The following ITGA7 variants were observed in gnomAD, a reference collection of about 807,000 sequenced individuals.
ITGA7 encodes integrin subunit alpha 7, also known as integrin alpha-7.
Under a neutral mutation model 131.6 loss-of-function variants are expected in ITGA7, and 84 were observed. The ratio of observed to expected loss-of-function variants is 0.64; its 90% confidence interval spans 0.54 to 0.77. ITGA7 has a LOEUF of 0.77. Ranked by LOEUF, ITGA7 falls within the 30% of genes least tolerant of loss-of-function variation. The pLI is 0.00. For missense variants in ITGA7, 1,399 were observed against 1,482.9 expected (o/e 0.94, Z 0.93); for synonymous variants, 548 against 600.7 (o/e 0.91, Z 1.28).
chr12:55,706,957 G>A (rs143717365), intron 1 of ITGA7, among the ~76,000 whole-genome samples: 1 of 152,324 alleles, frequency 6.6e-6, no homozygotes, highest in East Asian at 1.9e-4. Flanking sequence ...CCACAGAAGT[G>A]GAAGCTCTCT....
At chr12:55,695,690 A>C in intron 13 of ITGA7, 53 bp from the exon 14 acceptor site, 1 of 1,224,872 alleles carries the variant, frequency 8.2e-7, no homozygotes, top group Non-Finnish European at 1.2e-6. Context: ...GCAGGGGGCA[A>C]ACCTGTCACC....
rs755782601 is a variant in ITGA7 at position 55,697,281 on chromosome 12, C to G, written c.1506-4G>C. The G allele has an allele frequency of 3.1e-6, 5 of 1,591,562 alleles. No homozygotes were observed. The highest frequency in any genetic ancestry group is 2.7e-5 in the African/African-American group (2 of 74,668). ...GAAACAGACCCTTAGGTCCACACTG[C>G]GGGGGCAAAGGTGGCTCCTGAGCCA... On this transcript the variant is annotated splice_region_variant and splice_polypyrimidine_tract_variant and intron_variant, in intron 10 of 24. Transcript: ENST00000257879.
Position 55,707,617 on chromosome 12 carries a change from C to T in ITGA7, c.66G>A (p.Leu22=), listed in dbSNP as rs137962065. ...CCCGTGAGAAGAGCAGTTCGACGAG[C>T]AGGGAGCCAAAAAGGTAGCAAATCC... is the stretch of plus-strand genomic sequence containing the variant. ...ASGICYLFGS[L]LVELLFSRAV... is the part of the protein sequence containing the mutation. The change falls in exon 1 of 25, where the codon CTG becomes CTA. Residue 22 remains leucine, a synonymous_variant. Coordinates refer to ENST00000257879, the MANE Select transcript of ITGA7 (RefSeq NM_002206.3). 8.9e-5 allele frequency: 143 copies of T among 1,611,294 alleles called. 1 individual carries two copies. Among genetic ancestry groups the T allele is most frequent in the Non-Finnish European group, 1.1e-4 (131 of 1,178,726 alleles).
chr12:55,711,442 C>T (rs1259241306), upstream of ITGA7, among the ~76,000 whole-genome samples: 1 of 150,702 alleles, frequency 6.6e-6, no homozygotes, highest in Non-Finnish European at 1.5e-5. Flanking sequence ...AGCACCACTG[C>T]ACTCCAGCCT....
At chr12:55,716,054 G>T, upstream of ITGA7, 1 of 1,554,936 alleles carries the variant, frequency 6.4e-7, no homozygotes, top group South Asian at 1.2e-5. Context: ...CACGTGACAT[G>T]GCCCCGGGGA....
chr12:55,710,860 A>T (rs1481864178), upstream of ITGA7, among the ~76,000 whole-genome samples: 1 of 152,080 alleles, frequency 6.6e-6, no homozygotes, highest in African/African-American at 2.4e-5. Context: ...CTGCCAGGGG[A>T]CAAGGATGGA....
At chr12:55,685,355 C>A in intron 24 of ITGA7, 67 bp from the exon 25 acceptor site, 1 of 1,380,498 alleles carries the variant, frequency 7.2e-7, no homozygotes, top group Non-Finnish European at 1.0e-6. Context: ...AGATGCCTAG[C>A]GCGGCACAGC....
In ITGA7 at chr12:55,707,824, T is replaced by TA; in HGVS notation, c.-143_-142insT. ...TCCCAGACGTTCGCCCCGCCAGCCCTCCCGCCCGCCCGCCGCTCCGCCACC... is the reference window on the plus strand; with the variant it reads ...TCCCAGACGTTCGCCCCGCCAGCCCTACCCGCCCGCCCGCCGCTCCGCCACC... On this transcript the variant is annotated 5_prime_UTR_variant, in exon 1 of 25. Coordinates refer to ENST00000257879, the MANE Select transcript of ITGA7 (RefSeq NM_002206.3). The TA allele has an allele frequency of 1.5e-6, 1 of 654,490 alleles. No homozygotes were observed. Among genetic ancestry groups the TA allele is most frequent in the Non-Finnish European group, 2.3e-6 (1 of 428,058 alleles). The allele number at this position is 654,490 out of a possible 1,614,324, so 40.5% of individuals were successfully genotyped here.
chr12:55,695,986 G>T (rs1872548770), intron 13 of ITGA7, among the ~76,000 whole-genome samples: 1 of 152,100 alleles, frequency 6.6e-6, no homozygotes, highest in Non-Finnish European at 1.5e-5. Flanking sequence ...GCAAGCAAGG[G>T]GCCTCATGTT....
At chr12:55,707,449 G>T (rs774690957) in intron 1 of ITGA7, 28 bp downstream of exon 1, 8 of 1,582,678 alleles carry the variant, frequency 5.1e-6, no homozygotes, top group Non-Finnish European at 6.9e-6. Context: ...CTCGGGCATG[G>T]CGACTCTGGG....
At chr12:55,715,999 C>T, upstream of ITGA7, 3 of 1,495,130 alleles carry the variant, frequency 2.0e-6, no homozygotes, top group Non-Finnish European at 2.7e-6. Flanking sequence ...GATCTTCACC[C>T]AAGGTCTCAA....
intron 1 of ITGA7, among the ~76,000 whole-genome samples, chr12:55,705,798 AAATG>A (rs1875056032): frequency 6.6e-6 from 1 of 152,270 alleles, no homozygotes; most frequent in African/African-American, 2.4e-5. Flanking sequence ...TGAGGGAAGT[AAATG>A]AGGCTGGAAC....
At position 55,692,712 on chromosome 12, in the gene ITGA7, A is replaced by AC. The variant is rs1871706536; in HGVS notation, c.2844+131dup. The AC allele has an allele frequency of 5.9e-6, 7 of 1,195,134 alleles. No individual in the cohort carries two copies. The Admixed American group carries it at 1.4e-4, about 24-fold the overall frequency. 74.0% of individuals were successfully genotyped at this position (1,195,134 alleles called of 1,614,324 possible). ...CAGTGTCAGTAGCTGCCTCCCGGGC[A>AC]CCCCCTCCTATGAATTGTGATGGGA... On this transcript the variant is annotated intron_variant, in intron 21 of 24. Transcript: ENST00000257879.
At chr12:55,702,835 C>CA in intron 3 of ITGA7, 37 bp downstream of exon 3, 1 of 1,500,826 alleles carries the variant, frequency 6.7e-7, no homozygotes, top group Non-Finnish European at 9.2e-7. Context: ...ACACACACAC[C>CA]CCATCCGTGC....
upstream of ITGA7, chr12:55,708,167 G>A (rs1345041184): frequency 6.3e-6 from 2 of 318,906 alleles, no homozygotes; most frequent in African/African-American, 2.2e-5. Flanking sequence ...GCGGCGCCTT[G>A]GAATGCGGAG....
intron 21 of ITGA7, among the ~76,000 whole-genome samples, chr12:55,691,098 A>G (rs903137805): frequency 6.6e-6 from 1 of 151,896 alleles, no homozygotes; most frequent in East Asian, 1.9e-4. Flanking sequence ...GTGCACATGT[A>G]CCCTAAAACT....
intron 24 of ITGA7, among the ~76,000 whole-genome samples, chr12:55,686,036 C>T (rs930739595): frequency 6.6e-6 from 1 of 152,238 alleles, no homozygotes; most frequent in African/African-American, 2.4e-5. Flanking sequence ...TGTAGACTTA[C>T]CCTTATATCT....
chr12:55,707,854 C>T lies in ITGA7; in HGVS notation c.-172G>A. On this transcript the variant is annotated 5_prime_UTR_variant, in exon 1 of 25. Transcript: ENST00000257879. ...CCCGCCCGCCGCTCCGCCACCCCGC[C>T]GCCCCAGCACCGGCTAGGACAACTA... is the stretch of plus-strand genomic sequence containing the variant. 1 of 1,465,984 alleles carries T rather than the reference C, an allele frequency of 6.8e-7. No homozygotes were observed. The allele number at this position is 1,465,984 out of a possible 1,614,324, so 90.8% of individuals were successfully genotyped here. A position where few individuals can be genotyped will look rare whatever the true frequency, so the allele number is the denominator to read the frequency against.
Position 55,707,838 on chromosome 12 carries a change from C to T in ITGA7, c.-156G>A. On this transcript the variant is annotated 5_prime_UTR_variant, in exon 1 of 25. Transcript: ENST00000257879. ...CCCGCCAGCCCTCCCGCCCGCCCGCCGCTCCGCCACCCCGCCGCCCCAGCA... is the reference window on the plus strand; with the variant it reads ...CCCGCCAGCCCTCCCGCCCGCCCGCTGCTCCGCCACCCCGCCGCCCCAGCA... 6.8e-7 allele frequency: 1 copy of T among 1,462,148 alleles called. No individual in the cohort carries two copies. The highest frequency in any genetic ancestry group is 1.4e-5 in the South Asian group (1 of 73,744). 90.6% of individuals were successfully genotyped at this position (1,462,148 alleles called of 1,614,324 possible).
Sources: allele counts gnomAD v4.1 joint callset (sites outside exome capture counted in the v4.1 genomes callset), GRCh38; gene constraint gnomAD v4.1.1; transcripts MANE v1.5; gene names NCBI Gene and HGNC (gene_info 2026-07-23, HGNC 2026-07-21).